The following CYP2A13 variants were observed in gnomAD, a reference collection of about 807,000 sequenced individuals.
The protein encoded by CYP2A13 is cytochrome P450 family 2 subfamily A member 13.
A neutral mutation model predicts 39.4 loss-of-function variants in CYP2A13; 30 were observed. That is an observed-to-expected ratio of 0.76 (90% CI 0.57 to 1.03). The LOEUF is 1.03. Among genes scored for constraint, CYP2A13 ranks in the 50% least tolerant of loss-of-function variants. The pLI is 0.00. For missense variants in CYP2A13, 731 were observed against 648.4 expected (o/e 1.13, Z -1.38); for synonymous variants, 269 against 254.7 (o/e 1.06, Z -0.54).
At chr19:41,095,715 C>A (rs761436435) in intron 8 of CYP2A13, 45 bp from the exon 9 acceptor site, 1 of 1,609,450 alleles carries the variant, frequency 6.2e-7, no homozygotes. Context: ...TGAGGCTGCA[C>A]TGAGAGTGGG....
At chr19:41,094,529 T>C in intron 7 of CYP2A13, 97 bp downstream of exon 7, 1 of 1,397,718 alleles carries the variant, frequency 7.2e-7, no homozygotes, top group Non-Finnish European at 1.0e-6. Flanking sequence ...TTCTAGACTC[T>C]GTCCCACTCC....
At chr19:41,094,840 C>T in intron 7 of CYP2A13, 119 bp from the exon 8 acceptor site, 5 of 1,172,896 alleles carry the variant, frequency 4.3e-6, no homozygotes, top group Non-Finnish European at 6.2e-6. Flanking sequence ...AGGTCCCCAA[C>T]TCCTCCATGC....
At chr19:41,089,854 C>CG in intron 2 of CYP2A13, among the ~76,000 whole-genome samples, 193 bp from the exon 3 acceptor site, 1 of 116,350 alleles carries the variant, frequency 8.6e-6, no homozygotes, top group African/African-American at 3.4e-5. Flanking sequence ...CTCTCTCTCT[C>CG]TCTCTCTCTC....
Position 41,096,054 on chromosome 19 carries a change from G to A in CYP2A13, c.*113G>A. 1 of 1,456,584 alleles carries A rather than the reference G, an allele frequency of 6.9e-7. No homozygotes were observed. The highest frequency in any genetic ancestry group is 1.4e-5 in the African/African-American group (1 of 71,196). 90.2% of individuals were successfully genotyped at this position (1,456,584 alleles called of 1,614,324 possible). ...GAATGGGGGCAGTGGGGGAAGGAAG[G>A]GGAGAGGTGGTTAGAGGGAACAGAA... On this transcript the variant is annotated 3_prime_UTR_variant, in exon 9 of 9. Transcript: ENST00000330436.
chr19:41,094,531 T>G, intron 7 of CYP2A13, 99 bp downstream of exon 7: 1 of 1,371,928 alleles, frequency 7.3e-7, no homozygotes, highest in Non-Finnish European at 1.0e-6. Context: ...CTAGACTCTG[T>G]CCCACTCCCT....
At position 41,090,124 on chromosome 19, in the gene CYP2A13, G is replaced by A. The variant is rs779032831; in HGVS notation, c.421G>A (p.Gly141Ser). 27 of 1,606,722 alleles carry A rather than the reference G, an allele frequency of 1.7e-5. No individual in the cohort carries two copies. In the South Asian group the frequency reaches 2.8e-4, roughly 17 times the overall value. Residue 141 changes from glycine to serine, a missense_variant, in exon 3 of 9, where the codon GGC becomes AGC. Coordinates refer to ENST00000330436, the MANE Select transcript of CYP2A13 (RefSeq NM_000766.5). ...CGCCACCCTAAGGGGTTTTGGCGTG[G>A]GCAAGCGCGGCATCGAGGAACGCAT... ...SIATLRGFGV[G>S]KRGIEERIQE...
Position 41,093,648 on chromosome 19 carries a change from A to G in CYP2A13, c.850A>G (p.Thr284Ala), listed in dbSNP as rs1352603818. The G allele has an allele frequency of 1.2e-6, 2 of 1,614,094 alleles. No homozygotes were observed. Among genetic ancestry groups the G allele is most frequent in the Admixed American group, 1.7e-5 (1 of 60,020 alleles). The change falls in exon 6 of 9, where the codon ACA becomes GCA. Residue 284 changes from threonine (T) to alanine (A), a missense_variant. Thr to Ala is a moderately conservative substitution (Grantham distance 58). Coordinates refer to ENST00000330436, the MANE Select transcript of CYP2A13 (RefSeq NM_000766.5). ...CCTGCAGGAGGAGAAGAACCCCAAC[A>G]CAGAGTTCTACTTGAAGAACCTGGT... ...RMQEEEKNPN[T>A]EFYLKNLVMT...
intron 5 of CYP2A13, among the ~76,000 whole-genome samples, chr19:41,093,306 A>G (rs2031229978): frequency 6.6e-6 from 1 of 152,072 alleles, no homozygotes. Flanking sequence ...AGGCCGGAGG[A>G]TTCCTTGAAC....
Position 41,090,933 on chromosome 19 carries a change from C to G in CYP2A13, c.654+369C>G, listed in dbSNP as rs1811583. 1.4e-3 allele frequency among the ~76,000 whole-genome samples: 212 copies of G among 152,292 alleles called. 1 individual carries two copies. In the East Asian group the frequency reaches 0.02, roughly 15 times the overall value. On this transcript the variant is annotated intron_variant, in intron 4 of 8. Coordinates refer to ENST00000330436, the MANE Select transcript of CYP2A13 (RefSeq NM_000766.5). The stretch of plus-strand genomic sequence containing the variant: ...ACCTGGACAAGTGACTGCGTCAACC[C>G]GCCTCCTGCATACCTGAACACCTGG...
At chr19:41,091,240 C>G (rs528108194) in intron 4 of CYP2A13, among the ~76,000 whole-genome samples, 1 of 152,340 alleles carries the variant, frequency 6.6e-6, no homozygotes, top group African/African-American at 2.4e-5. Flanking sequence ...ATCCCCTCCA[C>G]TTCAACATCT....
intron 2 of CYP2A13, 104 bp downstream of exon 2, chr19:41,089,195 GC>G (rs2031112388): frequency 3.2e-6 from 5 of 1,552,762 alleles, no homozygotes; most frequent in Non-Finnish European, 3.5e-6. Flanking sequence ...CTATGGCAGA[GC>G]CCCCTGTCTG....
chr19:41,091,552 C>T (rs1324498489), intron 4 of CYP2A13, among the ~76,000 whole-genome samples, 180 bp from the exon 5 acceptor site: 2 of 152,218 alleles, frequency 1.3e-5, no homozygotes, highest in Non-Finnish European at 2.9e-5. Flanking sequence ...GTGGCCCTGG[C>T]ACCTAATCCA....
intron 2 of CYP2A13, 62 bp from the exon 3 acceptor site, chr19:41,089,985 C>T: frequency 2.0e-6 from 3 of 1,524,064 alleles, no homozygotes; most frequent in Non-Finnish European, 2.6e-6. Context: ...CCCCTTGGAG[C>T]TGGTCCGCTC....
In CYP2A13 at chr19:41,094,289, CA is replaced by C. The variant is rs938726961; in HGVS notation, c.1019del (p.Gln340ArgfsTer16). 6.2e-7 allele frequency: 1 copy of C among 1,614,012 alleles called. No individual in the cohort carries two copies. The highest frequency in any genetic ancestry group is 1.3e-5 in the African/African-American group (1 of 74,920). On this transcript the variant is annotated frameshift_variant, in exon 7 of 9. Transcript: ENST00000330436. LOFTEE classifies it high-confidence loss of function. ...TGACAGAGTGATCGGCAAGAACCGG[CA>C]GCCCAAGTTTGAGGACCGGGCCAAG... ...EIDRVIGKNR[Q>X]PKFEDRAKMP...
Position 41,091,920 on chromosome 19 carries a change from C to T in CYP2A13, c.831+12C>T. ...TCCGCATGCAGGAGGTACATCCCAG[C>T]AGCCAGTGCAGGCAGGTGCAAAGCC... On this transcript the variant is annotated intron_variant, in intron 5 of 8. Coordinates refer to ENST00000330436, the MANE Select transcript of CYP2A13 (RefSeq NM_000766.5). 6.2e-7 allele frequency: 1 copy of T among 1,613,532 alleles called. No homozygotes were observed. Among genetic ancestry groups the T allele is most frequent in the Non-Finnish European group, 8.5e-7 (1 of 1,179,628 alleles).
intron 5 of CYP2A13, among the ~76,000 whole-genome samples, chr19:41,092,312 TAAAAA>T (rs529985444): frequency 0.028 from 1,493 of 53,746 alleles, 29 homozygotes; most frequent in African/African-American, 0.074. Context: ...CAAGACCCTG[TAAAAA>T]AAAAAAAAAA....
At chr19:41,092,030 A>C in intron 5 of CYP2A13, 122 bp downstream of exon 5, 1 of 1,433,658 alleles carries the variant, frequency 7.0e-7, no homozygotes, top group Non-Finnish European at 9.4e-7. Context: ...AATCCTTACA[A>C]TTGGCCAGGC....
In CYP2A13 at chr19:41,088,943, T is replaced by C. The variant is rs982892989; in HGVS notation, c.195T>C (p.Tyr65=). 4 of 1,614,034 alleles carry C rather than the reference T, an allele frequency of 2.5e-6. No homozygotes were observed. Among genetic ancestry groups the C allele is most frequent in the Non-Finnish European group, 3.4e-6 (4 of 1,179,948 alleles). ...YNSLMKISER[Y]GPVFTIHLGP... ...GCCTCCAACAGATCAGTGAGCGCTATGGCCCTGTGTTCACCATTCACTTGG... is the reference window on the plus strand; with the variant it reads ...GCCTCCAACAGATCAGTGAGCGCTACGGCCCTGTGTTCACCATTCACTTGG... The change falls in exon 2 of 9, where the codon TAT becomes TAC. Residue 65 remains tyrosine, a synonymous_variant. Coordinates refer to ENST00000330436, the MANE Select transcript of CYP2A13 (RefSeq NM_000766.5).
chr19:41,090,177 C>T lies in CYP2A13; in HGVS notation c.474C>T (p.Asp158=), dbSNP rs112337232. 1.3e-6 allele frequency: 2 copies of T among 1,583,178 alleles called. No homozygotes were observed. Among genetic ancestry groups the T allele is most frequent in the African/African-American group, 2.7e-5 (2 of 74,342 alleles). ...RIQEEAGFLI[D]ALRGTHGANI... ...AGGAGGAGGCGGGCTTCCTCATCGA[C>T]GCCCTCCGGGGCACGCACGGTGAGT... The change falls in exon 3 of 9, where the codon GAC becomes GAT. Residue 158 remains aspartate (D), a synonymous_variant. Coordinates refer to ENST00000330436, the MANE Select transcript of CYP2A13 (RefSeq NM_000766.5).
Sources: gnomAD v4.1 joint callset for allele counts (sites outside exome capture counted in the v4.1 genomes callset) on GRCh38, gnomAD v4.1.1 for gene constraint, MANE v1.5 for transcripts, NCBI Gene and HGNC (gene_info 2026-07-23, HGNC 2026-07-21) for gene names.